The following DYNLT5 variants were observed in gnomAD, a reference collection of about 807,000 sequenced individuals.
The protein encoded by DYNLT5 is dynein light chain Tctex-type 5.
DYNLT5 carries 25 observed loss-of-function variants against 19.3 expected under a neutral mutation model. That is an observed-to-expected ratio of 1.30 (90% CI 0.95 to 1.81). DYNLT5 has a LOEUF of 1.81. Among genes scored for constraint, DYNLT5 ranks in the 40% most tolerant of loss-of-function variants. The pLI, the probability that DYNLT5 is intolerant of heterozygous loss-of-function variation, is 0.00. For missense variants in DYNLT5, 232 were observed against 217.9 expected, an observed-to-expected ratio of 1.06 and a Z score of -0.41; for synonymous variants, 82 against 68.9, an observed-to-expected ratio of 1.19 and a Z score of -0.94.
intron 2 of DYNLT5, among the ~76,000 whole-genome samples, chr1:66,762,838 T>G (rs1344489265): frequency 6.6e-6 from 1 of 151,924 alleles, no homozygotes; most frequent in Non-Finnish European, 1.5e-5. Context: ...CTAGTGGGGG[T>G]TAGGGGAAAA....
chr1:66,759,866 G>T (rs963308676), intron 2 of DYNLT5, among the ~76,000 whole-genome samples: 2 of 152,124 alleles, frequency 1.3e-5, no homozygotes, highest in African/African-American at 4.8e-5. Flanking sequence ...AGCCCTACAT[G>T]ATCTAGCTAC....
intron 2 of DYNLT5, among the ~76,000 whole-genome samples, chr1:66,769,833 T>C (rs1343368087): frequency 6.6e-6 from 1 of 152,206 alleles, no homozygotes; most frequent in Non-Finnish European, 1.5e-5. Flanking sequence ...TAATGTATTA[T>C]AGTTTTGGTG....
intron 2 of DYNLT5, among the ~76,000 whole-genome samples, chr1:66,757,615 C>T (rs909364899): frequency 6.6e-6 from 1 of 151,918 alleles, no homozygotes; most frequent in Non-Finnish European, 1.5e-5. Flanking sequence ...TATTTTTTAC[C>T]TGAACAATTT....
At chr1:66,764,160 C>T (rs1173376864) in intron 2 of DYNLT5, among the ~76,000 whole-genome samples, 1 of 152,126 alleles carries the variant, frequency 6.6e-6, no homozygotes, top group Non-Finnish European at 1.5e-5. Flanking sequence ...TGCACTCCAA[C>T]CTGGGTGACA....
chr1:66,753,591 A>AG (rs1557868734), intron 1 of DYNLT5, among the ~76,000 whole-genome samples: 5 of 152,208 alleles, frequency 3.3e-5, no homozygotes, highest in Admixed American at 2.0e-4. Flanking sequence ...TGGGAAAGCA[A>AG]GGTTAATTTT....
intron 2 of DYNLT5, chr1:66,755,894 A>T (rs571609511): frequency 1.7e-4 from 26 of 152,342 alleles, no homozygotes; most frequent in African/African-American, 6.3e-4. Flanking sequence ...CTTAAATTCA[A>T]CTTACGTTTT....
At chr1:66,765,159 C>T (rs953909679) in intron 2 of DYNLT5, among the ~76,000 whole-genome samples, 2 of 152,150 alleles carry the variant, frequency 1.3e-5, no homozygotes, top group Non-Finnish European at 2.9e-5. Flanking sequence ...TTGTTTTTCT[C>T]TGTGCACTCT....
At chr1:66,764,175 G>A (rs1694550) in intron 2 of DYNLT5, among the ~76,000 whole-genome samples, 2 of 151,918 alleles carry the variant, frequency 1.3e-5, no homozygotes, top group African/African-American at 4.8e-5. Context: ...GTGACAAAGC[G>A]AGATTCTGTC....
intron 2 of DYNLT5, among the ~76,000 whole-genome samples, chr1:66,764,195 A>C (rs960927948): frequency 6.6e-6 from 1 of 152,210 alleles, no homozygotes; most frequent in African/African-American, 2.4e-5. Flanking sequence ...CTCAAAAAAA[A>C]ACAAAAACAA....
chr1:66,777,323 C>T lies in DYNLT5; in HGVS notation c.409C>T (p.Leu137=). Residue 137 remains leucine (L), a synonymous_variant, in exon 5 of 5, where the codon CTG becomes TTG. Coordinates refer to ENST00000282670, the MANE Select transcript of DYNLT5 (RefSeq NM_152665.3). ...KLIVIVHIGQ[L]NRQSILIGSR... ...AATTGTGATTGTTCACATTGGACAACTGAACAGGCAGAGCATACTTATTGG... is the reference window on the plus strand; with the variant it reads ...AATTGTGATTGTTCACATTGGACAATTGAACAGGCAGAGCATACTTATTGG... 3 of 1,613,926 alleles carry T rather than the reference C, an allele frequency of 1.9e-6. No homozygotes were observed. Among genetic ancestry groups the T allele is most frequent in the Non-Finnish European group, 2.5e-6 (3 of 1,179,892 alleles).
At chr1:66,773,750 TTTTG>T (rs952074797) in intron 3 of DYNLT5, among the ~76,000 whole-genome samples, 2 of 152,060 alleles carry the variant, frequency 1.3e-5, no homozygotes, top group African/African-American at 4.8e-5. Flanking sequence ...TAAGGACAAG[TTTTG>T]TTTGTTTTTA....
intron 4 of DYNLT5, among the ~76,000 whole-genome samples, 167 bp downstream of exon 4, chr1:66,776,570 T>G: frequency 6.6e-6 from 1 of 151,746 alleles, no homozygotes; most frequent in African/African-American, 2.4e-5. Flanking sequence ...GGTGTGTGTG[T>G]GTGTGTGTAT....
At chr1:66,758,730 C>CT (rs1347191315) in intron 2 of DYNLT5, among the ~76,000 whole-genome samples, 7 of 152,074 alleles carry the variant, frequency 4.6e-5, no homozygotes, top group African/African-American at 1.7e-4. Context: ...TGCCTGGTAA[C>CT]TTTTTTCACA....
At chr1:66,773,903 G>A (rs1266723114) in intron 3 of DYNLT5, among the ~76,000 whole-genome samples, 1 of 152,114 alleles carries the variant, frequency 6.6e-6, no homozygotes, top group Non-Finnish European at 1.5e-5. Flanking sequence ...CTAGTTTTAG[G>A]AGCTTATTTC....
At position 66,778,642 on chromosome 1, in the gene DYNLT5, G is replaced by A. The variant is rs1313713249; in HGVS notation, c.*1188G>A. The stretch of plus-strand genomic sequence containing the variant: ...TATCATTCATATCAAAAAGAGTTTA[G>A]CAAATGGAAAACCAGTTAATGCTTT... On this transcript the variant is annotated 3_prime_UTR_variant, in exon 5 of 5. Transcript: ENST00000282670. The A allele has an allele frequency of 6.6e-6, 1 of 152,590 alleles. No individual in the cohort carries two copies. The highest frequency in any genetic ancestry group is 1.9e-4 in the East Asian group (1 of 5,204). The allele number at this position is 152,590 out of a possible 1,614,324, so 9.5% of individuals were successfully genotyped here.
At chr1:66,774,474 CA>C (rs1557874798) in intron 3 of DYNLT5, among the ~76,000 whole-genome samples, 5 of 152,000 alleles carry the variant, frequency 3.3e-5, no homozygotes, top group Admixed American at 3.3e-4. Flanking sequence ...TCTATATTAT[CA>C]TCAAAATAAA....
Position 66,777,421 on chromosome 1 carries a change from T to C in DYNLT5, c.507T>C (p.Ala169=), listed in dbSNP as rs745865951. Residue 169 remains alanine, a synonymous_variant, in exon 5 of 5, where the codon GCT becomes GCC. Coordinates refer to ENST00000282670, the MANE Select transcript of DYNLT5 (RefSeq NM_152665.3). ...SYVFRNSSLF[A]LANVYAVYLE is the part of the protein sequence containing the mutation. ...TTTTCAGAAATTCTTCTCTCTTCGC[T>C]CTTGCAAATGTCTATGCAGTTTACC... The C allele has an allele frequency of 2.5e-6, 4 of 1,613,844 alleles. No homozygotes were observed. The highest frequency in any genetic ancestry group is 1.7e-4 in the Middle Eastern group (1 of 6,054).
In DYNLT5 at chr1:66,774,040, T is replaced by G. The variant is rs928067678; in HGVS notation, c.212-2239T>G. 2.0e-5 allele frequency among the ~76,000 whole-genome samples: 3 copies of G among 151,066 alleles called. No individual in the cohort carries two copies. The East Asian group carries it at 5.8e-4, about 29-fold the overall frequency. On this transcript the variant is annotated intron_variant, in intron 3 of 4. Coordinates refer to ENST00000282670, the MANE Select transcript of DYNLT5 (RefSeq NM_152665.3). ...TTCAAAACAGGATCTGGTTAATGACTTTTTTTTTAATCTAAGCGAAGTATG... is the reference window on the plus strand; with the variant it reads ...TTCAAAACAGGATCTGGTTAATGACGTTTTTTTTAATCTAAGCGAAGTATG...
At chr1:66,773,946 C>T (rs1025291970) in intron 3 of DYNLT5, among the ~76,000 whole-genome samples, 4 of 152,020 alleles carry the variant, frequency 2.6e-5, no homozygotes, top group Non-Finnish European at 4.4e-5. Flanking sequence ...ATGGATGATT[C>T]TGGATGTTTA....
Sources: gnomAD v4.1 joint callset for allele counts (sites outside exome capture counted in the v4.1 genomes callset) on GRCh38, gnomAD v4.1.1 for gene constraint, MANE v1.5 for transcripts, NCBI Gene and HGNC (gene_info 2026-07-23, HGNC 2026-07-21) for gene names.